The following CREM variants were observed in gnomAD, a reference collection of about 807,000 sequenced individuals.
The protein encoded by CREM is cAMP responsive element modulator.
Under a neutral mutation model 37.3 loss-of-function variants are expected in CREM, and 13 were observed. The observed-to-expected ratio is 0.35, with a 90% CI of 0.23 to 0.55. CREM has a LOEUF of 0.55. Ranked by LOEUF, CREM falls within the 20% of genes least tolerant of loss-of-function variation. The pLI is 0.88. For missense variants in CREM, 296 were observed against 362.3 expected (o/e 0.82, Z 1.49); for synonymous variants, 124 against 120.2 (o/e 1.03, Z -0.21).
chr10:35,208,568 A>T (rs968028949), intron 7 of CREM, among the ~76,000 whole-genome samples: 3 of 152,164 alleles, frequency 2.0e-5, no homozygotes, highest in Non-Finnish European at 4.4e-5. Context: ...CAGGACAGAG[A>T]TTCAGCAGTG....
chr10:35,144,054 T>C (rs2091782347), intron 2 of CREM, among the ~76,000 whole-genome samples: 1 of 152,196 alleles, frequency 6.6e-6, no homozygotes, highest in Admixed American at 6.6e-5. Context: ...CATTGAAGTT[T>C]AGTTGTGGCT....
chr10:35,207,615 A>G (rs2095564396), intron 7 of CREM, among the ~76,000 whole-genome samples: 1 of 151,954 alleles, frequency 6.6e-6, no homozygotes, highest in Non-Finnish European at 1.5e-5. Flanking sequence ...CTCTACTAAA[A>G]ATACAAAAAT....
At chr10:35,167,706 T>C in intron 3 of CREM, 1 of 1,612,658 alleles carries the variant, frequency 6.2e-7, no homozygotes, top group Non-Finnish European at 8.5e-7. Context: ...AAGTACTGTT[T>C]ATAGTGGGAT....
chr10:35,165,018 C>T (rs2093470389), intron 3 of CREM, among the ~76,000 whole-genome samples: 1 of 145,008 alleles, frequency 6.9e-6, no homozygotes, highest in Non-Finnish European at 1.5e-5. Flanking sequence ...GATTGCACCA[C>T]TGCTCTCCAG....
At position 35,198,299 on chromosome 10, in the gene CREM, C is replaced by T. The variant is rs12250038; in HGVS notation, c.599-8596C>T. 7.1e-3 allele frequency among the ~76,000 whole-genome samples: 1,087 copies of T among 152,092 alleles called. 17 individuals are homozygous for T. The highest frequency in any genetic ancestry group is 0.025 in the African/African-American group (1,047 of 41,488). On this transcript the variant is annotated intron_variant, in intron 6 of 7. Transcript: ENST00000685392. ...CAGCACTTTGGGAGGCCAAGGCGGG[C>T]GGATCACAACCTCAGGAGTTCAAGA...
intron 3 of CREM, among the ~76,000 whole-genome samples, chr10:35,150,261 T>C (rs877779): frequency 0.14 from 20,603 of 152,018 alleles, 1,592 homozygotes; most frequent in South Asian, 0.2. Flanking sequence ...ACTCCTGTGC[T>C]GAAGCAGTCC....
At chr10:35,163,155 A>AT (rs1272711218) in intron 3 of CREM, among the ~76,000 whole-genome samples, 4 of 152,124 alleles carry the variant, frequency 2.6e-5, no homozygotes, top group African/African-American at 9.7e-5. Flanking sequence ...AGCTGCAGTG[A>AT]TTCGTGATCA....
At position 35,143,401 on chromosome 10, in the gene CREM, G is replaced by A. The variant is rs892337689; in HGVS notation, c.45-4967G>A. ...TTGGAATAACAAGTGTGATGGGAGT[G>A]GTCAAGGGAGAGGGTAAGATGGGAG... On this transcript the variant is annotated intron_variant, in intron 2 of 7. Coordinates refer to ENST00000685392, the MANE Select transcript of CREM (RefSeq NM_183011.2). 3.9e-5 allele frequency among the ~76,000 whole-genome samples: 6 copies of A among 152,262 alleles called. No homozygotes were observed. In the East Asian group the frequency reaches 9.7e-4, roughly 25 times the overall value.
chr10:35,158,815 TTGTTTG>T (rs750272797), intron 3 of CREM, among the ~76,000 whole-genome samples: 2,453 of 84,888 alleles, frequency 0.029, 114 homozygotes, highest in East Asian at 0.043. Context: ...TTTTGTTGTT[TTGTTTG>T]TTTTTTTTTT....
intron 6 of CREM, chr10:35,195,067 A>G: frequency 1.1e-6 from 1 of 938,576 alleles, no homozygotes; most frequent in Non-Finnish European, 1.6e-6. Context: ...TGGCAGTGAT[A>G]GGCTAGTGAT....
chr10:35,174,973 G>A (rs2093983267), intron 3 of CREM, among the ~76,000 whole-genome samples: 1 of 152,170 alleles, frequency 6.6e-6, no homozygotes, highest in Admixed American at 6.5e-5. Context: ...AGCCTTCAAG[G>A]CATGAGCTTT....
chr10:35,145,796 A>AG (rs2092034070), intron 2 of CREM, among the ~76,000 whole-genome samples: 1 of 151,282 alleles, frequency 6.6e-6, no homozygotes, highest in Admixed American at 6.6e-5. Context: ...AAAAAAAAAA[A>AG]AAAGAAATTA....
chr10:35,145,168 A>AAAG (rs1554887946), intron 2 of CREM, among the ~76,000 whole-genome samples: 1 of 149,732 alleles, frequency 6.7e-6, no homozygotes, highest in South Asian at 2.1e-4. Context: ...CTCAAAAAAA[A>AAAG]AAAAAAAAAA....
chr10:35,135,129 A>G (rs1564787782), intron 1 of CREM, among the ~76,000 whole-genome samples: 1 of 152,156 alleles, frequency 6.6e-6, no homozygotes, highest in Non-Finnish European at 1.5e-5. Context: ...GTGAATGCCA[A>G]CTGTTGTTTT....
At chr10:35,203,937 C>T (rs2095452888) in intron 6 of CREM, among the ~76,000 whole-genome samples, 1 of 152,110 alleles carries the variant, frequency 6.6e-6, no homozygotes, top group African/African-American at 2.4e-5. Context: ...CATGTGTCAA[C>T]CTGGTGTCAT....
At chr10:35,156,436 G>T (rs2092920479) in intron 3 of CREM, among the ~76,000 whole-genome samples, 1 of 152,064 alleles carries the variant, frequency 6.6e-6, no homozygotes, top group Admixed American at 6.6e-5. Flanking sequence ...TTTTTGTAGA[G>T]ATGGGGTCTC....
At position 35,161,454 on chromosome 10, in the gene CREM, A is replaced by G. The variant is rs1238853846; in HGVS notation, c.168+12963A>G. 3.3e-5 allele frequency among the ~76,000 whole-genome samples: 5 copies of G among 152,034 alleles called. No homozygotes were observed. In the East Asian group the frequency reaches 9.8e-4, roughly 30 times the overall value. ...GGTTGCAGTGAGCCGAGATGGTCCC[A>G]GTGGACTCCAGCCTGGGCAACACAG... is the stretch of plus-strand genomic sequence containing the variant. On this transcript the variant is annotated intron_variant, in intron 3 of 7. Coordinates refer to ENST00000685392, the MANE Select transcript of CREM (RefSeq NM_183011.2).
intron 6 of CREM, among the ~76,000 whole-genome samples, chr10:35,199,887 CTTTTTTTTTTT>C (rs5784443): frequency 2.5e-5 from 3 of 121,370 alleles, no homozygotes; most frequent in Non-Finnish European, 4.9e-5. Flanking sequence ...GTTAAAATGG[CTTTTTTTTTTT>C]TTTTTTTTAA....
intron 6 of CREM, among the ~76,000 whole-genome samples, chr10:35,192,378 T>C (rs1390092368): frequency 1.3e-5 from 2 of 152,198 alleles, no homozygotes; most frequent in Non-Finnish European, 2.9e-5. Flanking sequence ...AGACAGAGTC[T>C]CACTCTCTTG....
Sources: allele counts gnomAD v4.1 joint callset (sites outside exome capture counted in the v4.1 genomes callset), GRCh38; gene constraint gnomAD v4.1.1; transcripts MANE v1.5; gene names NCBI Gene and HGNC (gene_info 2026-07-23, HGNC 2026-07-21).